The following GAN variants were observed in gnomAD, a reference collection of about 807,000 sequenced individuals.
GAN encodes gigaxonin, also known as epididymis secretory sperm binding protein.
A neutral mutation model predicts 71.3 loss-of-function variants in GAN; 48 were observed. That is an observed-to-expected ratio of 0.67 (90% CI 0.53 to 0.86). The LOEUF (loss-of-function observed/expected upper bound fraction) is 0.86, where lower values mean the gene tolerates loss of function less well. Ranked by LOEUF, GAN falls within the 40% of genes least tolerant of loss-of-function variation. GAN has a pLI of 0.00. For synonymous variants in GAN, 386 were observed against 276.8 expected (o/e 1.39, Z -3.92); for missense variants, 928 against 770.1 (o/e 1.21, Z -2.43).
intron 1 of GAN, among the ~76,000 whole-genome samples, chr16:81,344,509 G>T (rs1165223603): frequency 6.6e-6 from 1 of 152,122 alleles, no homozygotes; most frequent in Non-Finnish European, 1.5e-5. Context: ...CACAAGCAAT[G>T]GGGAAAGATT....
At chr16:81,335,953 T>C (rs1200788500) in intron 1 of GAN, among the ~76,000 whole-genome samples, 1 of 152,136 alleles carries the variant, frequency 6.6e-6, no homozygotes, top group Admixed American at 6.5e-5. Context: ...TGCGGGTTCC[T>C]GCCCTTCCCC....
intron 1 of GAN, among the ~76,000 whole-genome samples, chr16:81,332,027 G>A (rs549495155): frequency 1.1e-4 from 16 of 152,240 alleles, no homozygotes; most frequent in Admixed American, 3.9e-4. Flanking sequence ...CGGGCATGGT[G>A]GCGCATGCCT....
At position 81,390,220 on chromosome 16, in the gene GAN, C is replaced by G. The variant is rs886262823; in HGVS notation, c.*12624C>G. 11 of 152,174 alleles carry G rather than the reference C, an allele frequency of 7.2e-5. No homozygotes were observed. The highest frequency in any genetic ancestry group is 2.6e-4 in the Admixed American group (4 of 15,284). 9.4% of individuals were successfully genotyped at this position (152,174 alleles called of 1,614,324 possible). ...GGCTGCAACTTGTAAAATTGTACTC[C>G]CCAAGTTCAGTAGGATAGTAGAGAA... On this transcript the variant is annotated 3_prime_UTR_variant, in exon 11 of 11. Transcript: ENST00000648994.
intron 1 of GAN, among the ~76,000 whole-genome samples, chr16:81,323,153 A>G (rs560615998): frequency 7.9e-5 from 12 of 152,266 alleles, no homozygotes; most frequent in East Asian, 7.7e-4. Context: ...TCTTCCTTAC[A>G]TGAAAGTTGG....
chr16:81,376,826 A>G (rs1309637731), intron 9 of GAN, among the ~76,000 whole-genome samples: 2 of 152,106 alleles, frequency 1.3e-5, no homozygotes, highest in East Asian at 3.9e-4. Flanking sequence ...GCAGTGAACC[A>G]TAATTGTGCC....
At chr16:81,349,568 C>T (rs1026367733) in intron 1 of GAN, among the ~76,000 whole-genome samples, 42 of 152,056 alleles carry the variant, frequency 2.8e-4, no homozygotes, top group Non-Finnish European at 1.3e-4. Context: ...CACTTGAACC[C>T]AGGAGGAGGA....
At position 81,356,850 on chromosome 16, in the gene GAN, A is replaced by G; in HGVS notation, c.699A>G (p.Glu233=). ...VSGLDSSYLR[E]QMLNEPLVRE... The stretch of plus-strand genomic sequence containing the variant: ...GGTTGGACTCCAGTTATTTACGGGA[A>G]CAGATGCTGAATGAACCATTAGTAC... The change falls in exon 4 of 11, where the codon GAA becomes GAG. Residue 233 remains glutamate (E), a synonymous_variant. Coordinates refer to ENST00000648994, the MANE Select transcript of GAN (RefSeq NM_022041.4). 6 of 1,613,856 alleles carry G rather than the reference A, an allele frequency of 3.7e-6. No homozygotes were observed. The highest frequency in any genetic ancestry group is 5.1e-6 in the Non-Finnish European group (6 of 1,179,708).
intron 1 of GAN, among the ~76,000 whole-genome samples, chr16:81,321,661 A>G (rs141613652): frequency 6.6e-6 from 1 of 152,336 alleles, no homozygotes; most frequent in African/African-American, 2.4e-5. Flanking sequence ...TAGGACAAAT[A>G]AGGGTTCATT....
chr16:81,339,041 A>G (rs1434573734), intron 1 of GAN, among the ~76,000 whole-genome samples: 2 of 152,234 alleles, frequency 1.3e-5, no homozygotes, highest in African/African-American at 4.8e-5. Flanking sequence ...GAATTTATCT[A>G]TGAATTAAGT....
chr16:81,342,050 T>C (rs1024718896), intron 1 of GAN, among the ~76,000 whole-genome samples: 7 of 152,292 alleles, frequency 4.6e-5, no homozygotes, highest in African/African-American at 1.7e-4. Context: ...CATTACATAA[T>C]GGTAAAGGGA....
At chr16:81,340,332 A>C (rs181117648) in intron 1 of GAN, among the ~76,000 whole-genome samples, 23 of 152,336 alleles carry the variant, frequency 1.5e-4, no homozygotes, top group African/African-American at 4.8e-4. Context: ...CCATCCAGTC[A>C]CATGAGTCAG....
At chr16:81,366,513 T>C (rs1281649023) in intron 9 of GAN, among the ~76,000 whole-genome samples, 2 of 152,224 alleles carry the variant, frequency 1.3e-5, no homozygotes, top group Non-Finnish European at 2.9e-5. Context: ...TTAGAGTAGT[T>C]CAGTCGTGCT....
At position 81,356,925 on chromosome 16, in the gene GAN, A is replaced by C. The variant is rs200071920; in HGVS notation, c.774A>C (p.Gln258His). 10 of 1,613,796 alleles carry C rather than the reference A, an allele frequency of 6.2e-6. No individual in the cohort carries two copies. Among genetic ancestry groups the C allele is most frequent in the South Asian group, 1.1e-5 (1 of 91,078 alleles). The stretch of plus-strand genomic sequence containing the variant: ...ATATACCGCTCAGCCAGCCGCAGCA[A>C]GGGGAGGCGATGCTGGCCAACTTCA... ...CSNIPLSQPQ[Q>H]GEAMLANFKP... The change falls in exon 4 of 11, where the codon CAA (glutamine) becomes CAC (histidine). Residue 258 changes from glutamine (Q) to histidine (H), a missense_variant. By Grantham distance (24) the Gln-to-His change is conservative. Transcript: ENST00000648994.
intron 9 of GAN, among the ~76,000 whole-genome samples, chr16:81,367,606 T>A (rs1910902935): frequency 6.6e-6 from 1 of 152,208 alleles, no homozygotes; most frequent in South Asian, 2.1e-4. Flanking sequence ...TGTTTGTAAA[T>A]AGAATGAAGA....
Position 81,365,072 on chromosome 16 carries a change from C to T in GAN, c.1335C>T (p.Thr445=), listed in dbSNP as rs752853627. ...CTGTAGAGTGTTATGATCCCAGGAC[C>T]CAGCAGTGGACTGCCATATGTCCAC... is the stretch of plus-strand genomic sequence containing the variant. ...FESVECYDPR[T]QQWTAICPLK... is the part of the protein sequence containing the mutation. Residue 445 remains threonine (T), a synonymous_variant, in exon 8 of 11, where the codon ACC becomes ACT. Transcript: ENST00000648994. The T allele has an allele frequency of 6.2e-7, 1 of 1,613,884 alleles. No homozygotes were observed. Among genetic ancestry groups the T allele is most frequent in the Non-Finnish European group, 8.5e-7 (1 of 1,179,800 alleles).
intron 1 of GAN, among the ~76,000 whole-genome samples, chr16:81,349,438 G>A (rs7200073): frequency 6.6e-6 from 1 of 151,892 alleles, no homozygotes; most frequent in Admixed American, 6.6e-5. Context: ...CAGTTTAGGA[G>A]TTCGAAACCA....
intron 3 of GAN, 46 bp downstream of exon 3, chr16:81,354,801 T>G: frequency 9.0e-7 from 1 of 1,107,528 alleles, no homozygotes; most frequent in Non-Finnish European, 1.4e-6. Flanking sequence ...TTTATTTCTT[T>G]TTAATTCAAA....
chr16:81,353,496 C>T (rs1404193144), intron 2 of GAN, among the ~76,000 whole-genome samples: 1 of 152,140 alleles, frequency 6.6e-6, no homozygotes, highest in Non-Finnish European at 1.5e-5. Flanking sequence ...ATACTACTTT[C>T]CACATTTTTG....
intron 9 of GAN, among the ~76,000 whole-genome samples, chr16:81,368,825 G>T (rs1910945674): frequency 1.3e-5 from 2 of 152,158 alleles, no homozygotes; most frequent in South Asian, 4.1e-4. Flanking sequence ...AGATGAACCT[G>T]ACAAAAATCA....
Sources: gnomAD v4.1 joint callset for allele counts (sites outside exome capture counted in the v4.1 genomes callset) on GRCh38, gnomAD v4.1.1 for gene constraint, MANE v1.5 for transcripts, NCBI Gene and HGNC (gene_info 2026-07-23, HGNC 2026-07-21) for gene names.